The following ANKAR variants were observed in gnomAD, a reference collection of about 807,000 sequenced individuals.
ANKAR encodes ankyrin and armadillo repeat containing.
A neutral mutation model predicts 146.2 loss-of-function variants in ANKAR; 136 were observed. That is an observed-to-expected ratio of 0.93 (90% CI 0.81 to 1.07). ANKAR has a LOEUF of 1.07. Ranked by LOEUF, ANKAR falls within the 50% of genes least tolerant of loss-of-function variation. ANKAR has a pLI of 0.00. For missense variants in ANKAR, 1,567 were observed against 1,679.9 expected, an observed-to-expected ratio of 0.93 and a Z score of 1.18; for synonymous variants, 500 against 575.8, an observed-to-expected ratio of 0.87 and a Z score of 1.88.
rs78506934 is a variant in ANKAR at position 189,696,336 on chromosome 2, G to A, written c.1675G>A (p.Val559Ile). The change falls in exon 7 of 23, where the codon GTC becomes ATC. Residue 559 changes from valine (V) to isoleucine (I), a missense_variant. By Grantham distance (29) the Val-to-Ile change is conservative. Coordinates refer to ENST00000684021, the MANE Select transcript of ANKAR (RefSeq NM_001378068.1). ...ICQLCNANFK[V>I]NQRRFVTFSQ... ...TCAACTGTGCAATGCTAACTTCAAG[G>A]TCAACCAGAGGCGCTTTGTTACGTT... is the stretch of plus-strand genomic sequence containing the variant. The A allele has an allele frequency of 6.8e-6, 11 of 1,613,860 alleles. No individual in the cohort carries two copies. The East Asian group carries it at 2.2e-4, about 33-fold the overall frequency.
intron 1 of ANKAR, among the ~76,000 whole-genome samples, chr2:189,675,287 GT>G (rs776794750): frequency 6.6e-6 from 1 of 152,154 alleles, no homozygotes; most frequent in Non-Finnish European, 1.5e-5. Flanking sequence ...ATAAATAGTA[GT>G]TGTGGTTATT....
chr2:189,762,880 G>A (rs1009199828), downstream of ANKAR: 2 of 985,314 alleles, frequency 2.0e-6, no homozygotes, highest in African/African-American at 3.5e-5. Context: ...CTTAAAGGCC[G>A]TCTTTGCCCA....
At chr2:189,759,760 TTTA>T (rs869046342) in intron 18 of ANKAR, among the ~76,000 whole-genome samples, 1 of 152,034 alleles carries the variant, frequency 6.6e-6, no homozygotes, top group Non-Finnish European at 1.5e-5. Flanking sequence ...TATTTATTTA[TTTA>T]TTTTTTTAGT....
chr2:189,676,393 C>T, intron 1 of ANKAR, 63 bp from the exon 2 acceptor site: 2 of 1,347,462 alleles, frequency 1.5e-6, no homozygotes, highest in Non-Finnish European at 2.0e-6. Context: ...TATTTCTAGA[C>T]AAATCCAGTT....
intron 7 of ANKAR, among the ~76,000 whole-genome samples, chr2:189,699,671 T>G (rs2037770714): frequency 6.6e-6 from 1 of 152,214 alleles, no homozygotes; most frequent in African/African-American, 2.4e-5. Context: ...ATTTATTTAC[T>G]TATTTTGAGA....
chr2:189,713,526 G>A (rs1319629241), intron 10 of ANKAR, among the ~76,000 whole-genome samples: 1 of 152,162 alleles, frequency 6.6e-6, no homozygotes, highest in Non-Finnish European at 1.5e-5. Context: ...CTTCATAAGT[G>A]AAGGAGAAAT....
rs1483583624 is a variant in ANKAR, at chr2:189,728,742, G to T, written c.3114G>T (p.Leu1038Phe). 10 of 1,613,936 alleles carry T rather than the reference G, an allele frequency of 6.2e-6. No homozygotes were observed. The highest frequency in any genetic ancestry group is 1.6e-4 in the Middle Eastern group (1 of 6,084). The change falls in exon 15 of 23, where the codon TTG becomes TTT. Residue 1038 changes from leucine to phenylalanine, a missense_variant. Physicochemically the swap from Leu to Phe is conservative, Grantham distance 22. Coordinates refer to ENST00000684021, the MANE Select transcript of ANKAR (RefSeq NM_001378068.1). ...QICEGNGIAP[L>F]VRLLRISTIA... ...GTGAAGGGAATGGAATTGCACCATT[G>T]GTTCGCTTACTAAGAATTAGTACGA...
At chr2:189,714,414 T>G (rs2040135397) in intron 10 of ANKAR, among the ~76,000 whole-genome samples, 1 of 152,190 alleles carries the variant, frequency 6.6e-6, no homozygotes, top group South Asian at 2.1e-4. Flanking sequence ...AAACTGTCTC[T>G]CAGACCACAG....
intron 12 of ANKAR, among the ~76,000 whole-genome samples, chr2:189,722,270 C>G (rs565232962): frequency 8.5e-5 from 12 of 141,420 alleles, no homozygotes; most frequent in African/African-American, 2.9e-4. Flanking sequence ...ACCCGAGAGG[C>G]GGAGGTTGCA....
chr2:189,721,737 G>C (rs973084291), intron 12 of ANKAR, among the ~76,000 whole-genome samples: 5 of 152,112 alleles, frequency 3.3e-5, no homozygotes, highest in African/African-American at 1.2e-4. Flanking sequence ...AAATTTGGGG[G>C]AAGAGAAAAT....
chr2:189,743,588 A>G (rs1270893036), intron 21 of ANKAR, 114 bp downstream of exon 21: 17 of 929,458 alleles, frequency 1.8e-5, no homozygotes, highest in Non-Finnish European at 2.7e-5. Flanking sequence ...TATCTCCTGT[A>G]TAGCAGAGGA....
chr2:189,683,665 T>A (rs1005454142), intron 2 of ANKAR, among the ~76,000 whole-genome samples: 5 of 152,182 alleles, frequency 3.3e-5, no homozygotes, highest in African/African-American at 1.2e-4. Flanking sequence ...GCTTTGTAAT[T>A]GCAGGTACAT....
chr2:189,697,380 C>T (rs2037382409), intron 7 of ANKAR, among the ~76,000 whole-genome samples: 2 of 151,898 alleles, frequency 1.3e-5, no homozygotes, highest in African/African-American at 4.8e-5. Flanking sequence ...TCAGGAATGG[C>T]CAATGCAACA....
chr2:189,755,229 C>T (rs1411149031), intron 18 of ANKAR: 3 of 1,612,234 alleles, frequency 1.9e-6, no homozygotes, highest in South Asian at 1.1e-5. Flanking sequence ...AGCAGAAAAT[C>T]TGAAACTCCT....
intron 18 of ANKAR, chr2:189,754,578 T>C (rs1247395087): frequency 4.2e-6 from 2 of 472,938 alleles, no homozygotes; most frequent in East Asian, 6.9e-5. Context: ...ATGTTTGCTC[T>C]TCTATTGGTT....
At chr2:189,743,618 C>A (rs892941819) in intron 21 of ANKAR, 144 bp downstream of exon 21, 1 of 783,640 alleles carries the variant, frequency 1.3e-6, no homozygotes. Flanking sequence ...TTCTAAATGA[C>A]CACTGCCACA....
At chr2:189,761,434 A>G (rs745735013), downstream of ANKAR, 1 of 1,599,658 alleles carries the variant, frequency 6.3e-7, no homozygotes, top group Non-Finnish European at 8.5e-7. Context: ...AATGAACTTC[A>G]GTTTGGGAAT....
chr2:189,696,383 T>C lies in ANKAR; in HGVS notation c.1708+14T>C. ...CGTTCAGCCAAGGTACCATAAAGTT[T>C]TTTAACCTAAAATGTTGTTATTTTA... On this transcript the variant is annotated intron_variant, in intron 7 of 22. Transcript: ENST00000684021. The C allele has an allele frequency of 1.9e-6, 3 of 1,602,548 alleles. No homozygotes were observed. Among genetic ancestry groups the C allele is most frequent in the Non-Finnish European group, 1.7e-6 (2 of 1,175,286 alleles).
chr2:189,728,722 G>A lies in ANKAR; in HGVS notation c.3094G>A (p.Gly1032Arg). 1 of 1,614,030 alleles carries A rather than the reference G, an allele frequency of 6.2e-7. No homozygotes were observed. The highest frequency in any genetic ancestry group is 8.5e-7 in the Non-Finnish European group (1 of 1,179,958). ...SRMHQNQICE[G>R]NGIAPLVRLL... ...GATGCATCAAAATCAAATATGTGAA[G>A]GGAATGGAATTGCACCATTGGTTCG... is the stretch of plus-strand genomic sequence containing the variant. The change falls in exon 15 of 23, where the codon GGG becomes AGG. Residue 1032 changes from glycine to arginine, a missense_variant. Transcript: ENST00000684021.
Sources: allele counts gnomAD v4.1 joint callset (sites outside exome capture counted in the v4.1 genomes callset), GRCh38; gene constraint gnomAD v4.1.1; transcripts MANE v1.5; gene names NCBI Gene and HGNC (gene_info 2026-07-23, HGNC 2026-07-21).